MAF: variants seen among roughly 807,000 people sequenced by gnomAD.
The protein encoded by MAF is MAF bZIP transcription factor, also known as transcription factor Maf.
Under a neutral mutation model 22.0 loss-of-function variants are expected in MAF, and 10 were observed. The observed-to-expected ratio is 0.45, with a 90% confidence interval of 0.28 to 0.77. MAF has a LOEUF of 0.77. MAF is among the 30% of genes least tolerant of loss of function. MAF has a pLI of 0.12. For synonymous variants in MAF, 337 were observed against 255.8 expected, an observed-to-expected ratio of 1.32 and a Z score of -3.03; for missense variants, 544 against 548.4, an observed-to-expected ratio of 0.99 and a Z score of 0.08.
At chr16:79,385,297 T>C in the MAF span, among the ~76,000 whole-genome samples, 1 of 152,170 alleles carries the variant, frequency 6.6e-6, no homozygotes, top group Non-Finnish European at 1.5e-5. Context: ...GGCAACAGAG[T>C]TGCTCATTGG....
the MAF span, among the ~76,000 whole-genome samples, chr16:79,379,271 T>C: frequency 4.6e-5 from 7 of 152,336 alleles, no homozygotes; most frequent in African/African-American, 1.2e-4. Flanking sequence ...CTGAGTGTCG[T>C]GATCTGTTAG....
the MAF span, among the ~76,000 whole-genome samples, chr16:79,564,944 T>C: frequency 6.6e-6 from 1 of 152,164 alleles, no homozygotes; most frequent in African/African-American, 2.4e-5. Flanking sequence ...GGTGGGCTGG[T>C]GTAAAAAATG....
chr16:79,545,923 T>C, the MAF span, among the ~76,000 whole-genome samples: 1 of 152,178 alleles, frequency 6.6e-6, no homozygotes. Flanking sequence ...AATAAGTATG[T>C]GGGGTAATGC....
chr16:79,500,482 T>A, the MAF span, among the ~76,000 whole-genome samples: 1 of 152,114 alleles, frequency 6.6e-6, no homozygotes, highest in African/African-American at 2.4e-5. Flanking sequence ...ACCCCAGTAG[T>A]TGCTTGTCAT....
At chr16:79,252,019 A>G in the MAF span, among the ~76,000 whole-genome samples, 1 of 152,262 alleles carries the variant, frequency 6.6e-6, no homozygotes, top group African/African-American at 2.4e-5. Flanking sequence ...AGAATCCTGC[A>G]AATAGCATCC....
chr16:79,407,398 G>C, the MAF span, among the ~76,000 whole-genome samples: 1 of 152,122 alleles, frequency 6.6e-6, no homozygotes, highest in Non-Finnish European at 1.5e-5. Context: ...GATCCATAAA[G>C]ATTTTGTGAT....
chr16:79,393,600 C>G, the MAF span, among the ~76,000 whole-genome samples: 1 of 152,086 alleles, frequency 6.6e-6, no homozygotes, highest in African/African-American at 2.4e-5. Context: ...CAGCTCCAGC[C>G]CCTGGGTGCA....
chr16:79,353,342 T>C, the MAF span, among the ~76,000 whole-genome samples: 74 of 152,282 alleles, frequency 4.9e-4, no homozygotes, highest in African/African-American at 1.7e-3. Flanking sequence ...TTGCCCAGGC[T>C]AGTCTTGAAC....
the MAF span, among the ~76,000 whole-genome samples, chr16:79,404,274 C>T: frequency 1.3e-5 from 2 of 151,010 alleles, no homozygotes; most frequent in African/African-American, 2.5e-5. Flanking sequence ...AGCAATTCTC[C>T]TGCCTCAGCC....
the MAF span, among the ~76,000 whole-genome samples, chr16:79,432,259 T>C: frequency 6.6e-6 from 1 of 152,170 alleles, no homozygotes. Flanking sequence ...TCTGCCATGA[T>C]TGTAAGTTTC....
chr16:79,367,452 T>C, the MAF span, among the ~76,000 whole-genome samples: 1 of 152,170 alleles, frequency 6.6e-6, no homozygotes. Flanking sequence ...TCAGAACAAA[T>C]TCACTGGGGT....
At chr16:79,576,245 A>C in the MAF span, among the ~76,000 whole-genome samples, 1 of 149,662 alleles carries the variant, frequency 6.7e-6, no homozygotes, top group South Asian at 2.1e-4. Flanking sequence ...AAAAAAAAAA[A>C]AAAAAAAAAA....
chr16:79,289,359 C>T, the MAF span, among the ~76,000 whole-genome samples: 1 of 151,876 alleles, frequency 6.6e-6, no homozygotes, highest in African/African-American at 2.4e-5. Context: ...ATTGGTGGGT[C>T]TCAGGGAAGG....
the MAF span, among the ~76,000 whole-genome samples, chr16:79,285,271 GC>G: frequency 6.6e-6 from 1 of 151,952 alleles, no homozygotes; most frequent in Admixed American, 6.6e-5. Flanking sequence ...AATATATACG[GC>G]CCCCCTTTCG....
At chr16:79,546,636 A>G in the MAF span, among the ~76,000 whole-genome samples, 1 of 152,174 alleles carries the variant, frequency 6.6e-6, no homozygotes, top group African/African-American at 2.4e-5. Context: ...TCTAAACTCT[A>G]TCTCTTATGT....
the MAF span, among the ~76,000 whole-genome samples, chr16:79,258,473 T>C: frequency 6.6e-6 from 1 of 152,184 alleles, no homozygotes; most frequent in Non-Finnish European, 1.5e-5. Flanking sequence ...CCCATTTTCT[T>C]TGCTTCCAAA....
At chr16:79,312,846 G>C in the MAF span, among the ~76,000 whole-genome samples, 1 of 152,160 alleles carries the variant, frequency 6.6e-6, no homozygotes, top group African/African-American at 2.4e-5. Flanking sequence ...AGGCACCTTT[G>C]CAAGTTTACT....
At chr16:79,427,562 G>C in the MAF span, among the ~76,000 whole-genome samples, 24 of 152,228 alleles carry the variant, frequency 1.6e-4, no homozygotes, top group South Asian at 3.5e-3. Context: ...ACTGCTCTCT[G>C]GTCAGGCTAC....
the MAF span, among the ~76,000 whole-genome samples, chr16:79,388,144 G>C: frequency 6.6e-6 from 1 of 152,190 alleles, no homozygotes; most frequent in South Asian, 2.1e-4. Flanking sequence ...TGGTATGCAA[G>C]ATGTATGAAG....
Sources: allele counts gnomAD v4.1 joint callset (sites outside exome capture counted in the v4.1 genomes callset), GRCh38; gene constraint gnomAD v4.1.1; transcripts MANE v1.5; gene names NCBI Gene and HGNC (gene_info 2026-07-23, HGNC 2026-07-21).